Variants in C11orf65 observed in about 807,000 individuals in gnomAD.
C11orf65 encodes the protein protein MFI.
A neutral mutation model predicts 35.3 loss-of-function variants in C11orf65; 38 were observed. That is an observed-to-expected ratio of 1.08 (90% CI 0.83 to 1.41). The LOEUF (loss-of-function observed/expected upper bound fraction) is 1.41. Among genes scored for constraint, C11orf65 ranks in the 40% most tolerant of loss-of-function variants. C11orf65 has a pLI of 0.00. For missense variants in C11orf65, 370 were observed against 367.1 expected (o/e 1.01, Z -0.06); for synonymous variants, 105 against 114.4 (o/e 0.92, Z 0.53).
chr11:108,308,811 G>A (rs1226520718), exon 7 of C11orf65: 2 of 544,730 alleles, frequency 3.7e-6, no homozygotes, highest in Middle Eastern at 3.0e-4. Context: ...AGAAAAAGAA[G>A]TTTTATGCTT....
At chr11:108,377,430 AC>A (rs1261010620) in intron 2 of C11orf65, among the ~76,000 whole-genome samples, 4 of 152,062 alleles carry the variant, frequency 2.6e-5, no homozygotes, top group Admixed American at 6.6e-5. Flanking sequence ...AAATTCAACA[AC>A]CCTTCATGCT....
intron 2 of C11orf65, among the ~76,000 whole-genome samples, chr11:108,350,990 C>G (rs2089136472): frequency 6.6e-6 from 1 of 152,048 alleles, no homozygotes; most frequent in African/African-American, 2.4e-5. Context: ...TCATAATAGC[C>G]CCTAACTGGA....
chr11:108,446,371 G>T (rs1028147676), intron 2 of C11orf65, among the ~76,000 whole-genome samples: 1 of 151,436 alleles, frequency 6.6e-6, no homozygotes, highest in African/African-American at 2.4e-5. Flanking sequence ...AATGTTAAGG[G>T]CAGCCAGAGA....
chr11:108,427,140 A>G (rs2092913971), intron 3 of C11orf65, among the ~76,000 whole-genome samples: 1 of 152,206 alleles, frequency 6.6e-6, no homozygotes, highest in Non-Finnish European at 1.5e-5. Context: ...CAAAGACTTC[A>G]TGATTAAAAC....
chr11:108,313,214 C>T (rs560234389), intron 6 of C11orf65, among the ~76,000 whole-genome samples: 1 of 152,268 alleles, frequency 6.6e-6, no homozygotes, highest in South Asian at 2.1e-4. Flanking sequence ...TTCTCAGGTG[C>T]TTTATTTTTT....
chr11:108,426,114 T>C (rs1024996687), intron 3 of C11orf65, among the ~76,000 whole-genome samples: 3 of 152,100 alleles, frequency 2.0e-5, no homozygotes, highest in Admixed American at 1.3e-4. Flanking sequence ...CTCTTACCAC[T>C]CCTTTTCAAC....
At chr11:108,331,321 G>C (rs2086209164), downstream of C11orf65, 3 of 1,465,216 alleles carry the variant, frequency 2.0e-6, no homozygotes, top group African/African-American at 2.9e-5. Context: ...AATATAGTTA[G>C]TGAAGTTTTG....
chr11:108,319,847 T>C (rs1284803337), intron 6 of C11orf65: 3 of 755,506 alleles, frequency 4.0e-6, no homozygotes, highest in African/African-American at 3.5e-5. Context: ...TTTTTTAGAA[T>C]GGAGAAATGT....
At chr11:108,412,658 C>T (rs1431200080) in intron 3 of C11orf65, among the ~76,000 whole-genome samples, 1 of 152,060 alleles carries the variant, frequency 6.6e-6, no homozygotes, top group Admixed American at 6.6e-5. Flanking sequence ...ATCACTTGAG[C>T]CTGGCAGGTC....
intron 3 of C11orf65, among the ~76,000 whole-genome samples, chr11:108,408,909 C>T (rs2092606490): frequency 6.6e-6 from 1 of 151,774 alleles, no homozygotes. Flanking sequence ...GTCTTAAAGA[C>T]AACATTAATT....
chr11:108,464,406 C>T (rs1464296280), intron 1 of C11orf65, among the ~76,000 whole-genome samples: 1 of 151,758 alleles, frequency 6.6e-6, no homozygotes, highest in East Asian at 2.0e-4. Context: ...AAGCGATTCT[C>T]CTGCCTTAGC....
At chr11:108,462,166 C>T (rs2093480742) in intron 1 of C11orf65, among the ~76,000 whole-genome samples, 1 of 152,164 alleles carries the variant, frequency 6.6e-6, no homozygotes, top group African/African-American at 2.4e-5. Flanking sequence ...GCCTCACCCT[C>T]CTGAGTAGCT....
At position 108,409,181 on chromosome 11, in the gene C11orf65, G is replaced by C. The variant is rs567821241; in HGVS notation, c.175-2032C>G. On this transcript the variant is annotated intron_variant, in intron 3 of 8. Transcript: ENST00000393084. ...ATGTAGTTGTAGATAGCAGCAGTTA[G>C]TTCTTTTTCACTGCTATCTAACATT... 2.0e-5 allele frequency among the ~76,000 whole-genome samples: 3 copies of C among 152,200 alleles called. No homozygotes were observed. In the East Asian group the frequency reaches 5.8e-4, roughly 29 times the overall value.
chr11:108,329,398 C>T (rs1026012911), downstream of C11orf65: 6 of 720,476 alleles, frequency 8.3e-6, no homozygotes, highest in African/African-American at 1.8e-5. Context: ...GGGTTCTTTT[C>T]GGTTTTTGTT....
intron 2 of C11orf65, among the ~76,000 whole-genome samples, chr11:108,444,390 C>A (rs1296846395): frequency 1.3e-5 from 2 of 152,094 alleles, no homozygotes; most frequent in Non-Finnish European, 2.9e-5. Flanking sequence ...ACCAGAGGTA[C>A]AAAGAGGAGC....
chr11:108,387,144 C>CTTTTTTTTTTTT (rs1202809854), intron 7 of C11orf65, among the ~76,000 whole-genome samples: 1 of 101,054 alleles, frequency 9.9e-6, no homozygotes, highest in African/African-American at 3.3e-5. Flanking sequence ...TCTTTTCTTT[C>CTTTTTTTTTTTT]TTTCTTTTTT....
In C11orf65 at chr11:108,333,955, C is replaced by CT. The variant is rs587779869; in HGVS notation, c.299+1264dup. The CT allele has an allele frequency of 2.5e-6, 4 of 1,609,326 alleles. No homozygotes were observed. The highest frequency in any genetic ancestry group is 3.4e-6 in the Non-Finnish European group (4 of 1,175,994). Reference sequence around the variant, plus strand: ...AATTTAGAAGATGTTGTTGTCCCTACTATGGAAATTAAGGTAATTTGCAAT... The same window carrying CT: ...AATTTAGAAGATGTTGTTGTCCCTACTTATGGAAATTAAGGTAATTTGCAAT... On this transcript the variant is annotated intron_variant, in intron 3 of 3. Transcript: ENST00000524755.
chr11:108,462,316 A>AT (rs2093482341), intron 1 of C11orf65, among the ~76,000 whole-genome samples: 1 of 152,204 alleles, frequency 6.6e-6, no homozygotes, highest in Non-Finnish European at 1.5e-5. Context: ...AAGTGCTTGG[A>AT]TTACAGGCAT....
At chr11:108,372,562 A>G (rs2091601917) in intron 2 of C11orf65, among the ~76,000 whole-genome samples, 1 of 152,252 alleles carries the variant, frequency 6.6e-6, no homozygotes, top group African/African-American at 2.4e-5. Context: ...GTTTTAAGAC[A>G]GAAAAAGGAA....
Sources: gnomAD v4.1 joint callset for allele counts (sites outside exome capture counted in the v4.1 genomes callset) on GRCh38, gnomAD v4.1.1 for gene constraint, MANE v1.5 for transcripts, NCBI Gene and HGNC (gene_info 2026-07-23, HGNC 2026-07-21) for gene names.